The following NWD2 variants were observed in gnomAD, a reference collection of about 807,000 sequenced individuals.
NWD2 encodes NACHT and WD repeat domain containing 2, also known as NACHT and WD repeat domain-containing protein 2.
Under a neutral mutation model 132.7 loss-of-function variants are expected in NWD2, and 37 were observed. The observed-to-expected ratio is 0.28, with a 90% CI of 0.21 to 0.37. NWD2 has a LOEUF of 0.37. NWD2 is among the 10% of genes least tolerant of loss of function. The pLI is 1.00. For missense variants in NWD2, 1,592 were observed against 2,122.4 expected (o/e 0.75, Z 4.91); for synonymous variants, 705 against 803.0 (o/e 0.88, Z 2.06).
intron 3 of NWD2, among the ~76,000 whole-genome samples, chr4:37,377,645 C>T (rs1206587360): frequency 6.6e-6 from 1 of 152,134 alleles, no homozygotes. Context: ...GAGGCAGAAT[C>T]GCTTGAACCC....
chr4:37,443,800 A>G lies in NWD2; in HGVS notation c.1812A>G (p.Leu604=), dbSNP rs972012574. 2 of 1,551,992 alleles carry G rather than the reference A, an allele frequency of 1.3e-6. No homozygotes were observed. The highest frequency in any genetic ancestry group is 8.7e-7 in the Non-Finnish European group (1 of 1,147,104). ...AGCAGATTTATGTGAACAATGCATT[A>G]TCCAAGTGCACACTGCCAATGTTTG... is the stretch of plus-strand genomic sequence containing the variant. ...SGQQIYVNNA[L]SKCTLPMFVN... The change falls in exon 7 of 7, where the codon TTA becomes TTG. Residue 604 remains leucine, a synonymous_variant. Coordinates refer to ENST00000309447, the MANE Select transcript of NWD2 (RefSeq NM_001144990.2). This position sits in a 1 kb window ranked among gnomAD's most constrained non-coding sequence, Gnocchi z 4.1.
intron 1 of NWD2, among the ~76,000 whole-genome samples, chr4:37,292,090 A>G (rs1718373522): frequency 6.6e-6 from 1 of 152,206 alleles, no homozygotes; most frequent in South Asian, 2.1e-4. Flanking sequence ...CATATTTTCA[A>G]GGGCCTTGCC....
intron 3 of NWD2, among the ~76,000 whole-genome samples, chr4:37,362,563 A>G (rs1173784818): frequency 6.6e-6 from 1 of 152,198 alleles, no homozygotes; most frequent in Non-Finnish European, 1.5e-5. Context: ...CAAATAAGCA[A>G]TGGGGAAAGA....
At chr4:37,274,104 G>GTCCC (rs1560382290) in intron 1 of NWD2, among the ~76,000 whole-genome samples, 22 of 152,002 alleles carry the variant, frequency 1.4e-4, no homozygotes, top group African/African-American at 5.1e-4. Flanking sequence ...AGGAGATAGA[G>GTCCC]ACACAAAAAA....
intron 1 of NWD2, among the ~76,000 whole-genome samples, chr4:37,312,176 G>T (rs199869561): frequency 6.7e-6 from 1 of 150,242 alleles, no homozygotes; most frequent in Non-Finnish European, 1.5e-5. Flanking sequence ...AAAGTCATTG[G>T]TAGCTTGATG....
intron 1 of NWD2, among the ~76,000 whole-genome samples, chr4:37,249,082 A>C (rs1023639676): frequency 1.3e-5 from 2 of 152,224 alleles, no homozygotes; most frequent in African/African-American, 4.8e-5. Flanking sequence ...GAGCATTTGA[A>C]ATGTGGCTAG....
chr4:37,329,812 C>T (rs1170311804), intron 2 of NWD2, among the ~76,000 whole-genome samples: 2 of 152,072 alleles, frequency 1.3e-5, no homozygotes. Context: ...GAATACAATG[C>T]AAAGGAATGG....
intron 2 of NWD2, among the ~76,000 whole-genome samples, chr4:37,339,818 C>T (rs1719482699): frequency 6.6e-6 from 1 of 152,182 alleles, no homozygotes; most frequent in Non-Finnish European, 1.5e-5. Flanking sequence ...TCATTTCTCA[C>T]TCCCTCTCAC....
chr4:37,342,785 G>T (rs1719553568), intron 2 of NWD2, among the ~76,000 whole-genome samples: 1 of 152,160 alleles, frequency 6.6e-6, no homozygotes, highest in South Asian at 2.1e-4. Context: ...GGGGCATCAG[G>T]TCTAGGCAGT....
intron 1 of NWD2, among the ~76,000 whole-genome samples, chr4:37,246,929 T>A (rs1717255271): frequency 6.6e-6 from 1 of 152,218 alleles, no homozygotes. Flanking sequence ...AGCTTAATAT[T>A]GAGTTAGTAC....
intron 1 of NWD2, among the ~76,000 whole-genome samples, chr4:37,308,274 C>A (rs1188268790): frequency 2.6e-5 from 4 of 151,938 alleles, no homozygotes; most frequent in African/African-American, 9.7e-5. Flanking sequence ...CTTTTTCTGG[C>A]AGATGTGTTA....
chr4:37,403,828 T>C (rs1720944567), intron 3 of NWD2, among the ~76,000 whole-genome samples: 1 of 152,202 alleles, frequency 6.6e-6, no homozygotes, highest in African/African-American at 2.4e-5. Context: ...TTGTGGGAAT[T>C]GAACCACTTT....
chr4:37,276,012 G>T (rs1024639670), intron 1 of NWD2, among the ~76,000 whole-genome samples: 1 of 152,010 alleles, frequency 6.6e-6, no homozygotes, highest in Non-Finnish European at 1.5e-5. Flanking sequence ...GAAAACATAG[G>T]CAATACCATT....
rs200042443 is a variant in NWD2 at position 37,439,274 on chromosome 4, C to A, written c.1180C>A (p.Leu394Ile). Residue 394 changes from leucine (L) to isoleucine (I), a missense_variant, in exon 6 of 7, where the codon CTA becomes ATA. Transcript: ENST00000309447. This position sits in a 1 kb window ranked among gnomAD's most constrained non-coding sequence, Gnocchi z 4.5. ...CTTCTATGAGTACAAATGTGAATCT[C>A]TAAACATAGTGCATAACTACATTCT... The part of the protein sequence containing the change: ...ASFYEYKCES[L>I]NIVHNYILPS... 7.1e-6 allele frequency: 11 copies of A among 1,550,984 alleles called. No homozygotes were observed. The highest frequency in any genetic ancestry group is 1.7e-4 in the Middle Eastern group (1 of 6,010).
Position 37,251,632 on chromosome 4 carries a change from C to T in NWD2, c.151+6414C>T, listed in dbSNP as rs1717362260. On this transcript the variant is annotated intron_variant, in intron 1 of 6. Transcript: ENST00000309447. The stretch of plus-strand genomic sequence containing the variant: ...GAAACCTGCATGTTAGCCACTATGA[C>T]TCCTGGTGAAGGAACTTTGTTCTCC... Among the ~76,000 whole-genome samples, 4 of 152,228 alleles carry T rather than the reference C, an allele frequency of 2.6e-5. No individual in the cohort carries two copies. In the South Asian group the frequency reaches 6.2e-4, roughly 24 times the overall value.
chr4:37,418,630 C>T, intron 3 of NWD2, among the ~76,000 whole-genome samples: 1 of 63,796 alleles, frequency 1.6e-5, no homozygotes, highest in Non-Finnish European at 3.7e-5. Flanking sequence ...GATCTTTCTC[C>T]CAAAAAAAAA....
intron 1 of NWD2, among the ~76,000 whole-genome samples, chr4:37,257,110 G>C (rs1717536335): frequency 6.6e-6 from 1 of 152,084 alleles, no homozygotes; most frequent in Admixed American, 6.5e-5. Flanking sequence ...TGGAAAGGAG[G>C]CCACAGCCAG....
intron 2 of NWD2, among the ~76,000 whole-genome samples, chr4:37,355,810 G>A (rs1719860428): frequency 6.6e-6 from 1 of 151,916 alleles, no homozygotes; most frequent in South Asian, 2.1e-4. Context: ...ATGTTTTTCA[G>A]ATATATATTG....
chr4:37,287,718 G>A (rs1447629239), intron 1 of NWD2, among the ~76,000 whole-genome samples: 1 of 152,160 alleles, frequency 6.6e-6, no homozygotes, highest in Non-Finnish European at 1.5e-5. Context: ...CCTCCTGATG[G>A]TTCTGAGGAA....
Sources: allele counts gnomAD v4.1 joint callset (sites outside exome capture counted in the v4.1 genomes callset), GRCh38; gene constraint gnomAD v4.1.1; non-coding constraint Gnocchi (gnomAD v3.1); transcripts MANE v1.5; gene names NCBI Gene and HGNC (gene_info 2026-07-23, HGNC 2026-07-21).